The following PLXNA3 variants were observed in gnomAD, a reference collection of about 807,000 sequenced individuals.
PLXNA3 encodes plexin-A3.
A neutral mutation model predicts 118.8 loss-of-function variants in PLXNA3; 52 were observed. That is an observed-to-expected ratio of 0.44 (90% CI 0.35 to 0.55). The LOEUF is 0.55. PLXNA3 is among the 20% of genes least tolerant of loss of function. PLXNA3 has a pLI of 0.01. For missense variants in PLXNA3, 1,660 were observed against 1,730.8 expected, an observed-to-expected ratio of 0.96 and a Z score of 0.73; for synonymous variants, 925 against 762.4, an observed-to-expected ratio of 1.21 and a Z score of -3.51.
chrX:154,462,757 C>T (rs1380998074), intron 4 of PLXNA3, among the ~76,000 whole-genome samples: 3 of 111,006 alleles, frequency 2.7e-5, no homozygotes, highest in Admixed American at 1.9e-4. Context: ...CCCATGGGCC[C>T]GGGGGCTGAA....
rs148672767 is a variant in PLXNA3 at position 154,462,242 on chromosome X, G to A, written c.1249G>A (p.Val417Met). ...CGACAGCACCGACGGCATGGCCAGC[G>A]TGGCCGCCTACACCTACCGCCAGCA... The part of the protein sequence containing the change: ...LADSTDGMAS[V>M]AAYTYRQHSV... Residue 417 changes from valine to methionine, a missense_variant, in exon 4 of 33, where the codon GTG becomes ATG. By Grantham distance (21) the Val-to-Met change is conservative. Around this residue, in one of 2 missense-constraint regions of PLXNA3, gnomAD observed 791 missense variants for 652.1 expected, o/e 1.21. Transcript: ENST00000369682. 266 of 1,198,895 alleles carry A rather than the reference G, an allele frequency of 2.2e-4. No individual in the cohort carries two copies. Among genetic ancestry groups the A allele is most frequent in the African/African-American group, 4.7e-4 (27 of 57,138 alleles).
At chrX:154,469,607 C>G in intron 27 of PLXNA3, 81 bp from the exon 28 acceptor site, 1 of 985,253 alleles carries the variant, frequency 1.0e-6, no homozygotes, top group South Asian at 2.0e-5. Context: ...CTCGTGGGCT[C>G]CCCTCCTGGG....
At chrX:154,470,412 C>T (rs1557209062) in intron 29 of PLXNA3, 30 bp from the exon 30 acceptor site, 1 of 1,195,007 alleles carries the variant, frequency 8.4e-7, no homozygotes, top group Admixed American at 2.2e-5. Flanking sequence ...CTGGCTCCCT[C>T]ATAGCCTGTG....
chrX:154,473,722 G>T lies in PLXNA3; in HGVS notation c.*1037G>T, dbSNP rs1365430907. 1.8e-5 allele frequency: 2 copies of T among 112,436 alleles called. No homozygotes were observed. The highest frequency in any genetic ancestry group is 7.3e-4 in the South Asian group (2 of 2,739). The allele number at this position is 112,436 out of a possible 1,213,427, so 9.3% of individuals were successfully genotyped here. On this transcript the variant is annotated 3_prime_UTR_variant, in exon 33 of 33. Transcript: ENST00000369682. ...AGCTGGAGCCCCATTGTGGGAGAAA[G>T]GACCACTCCTTGCAGGGTCCCAGAG...
rs2148258057 is a variant in PLXNA3, at chrX:154,473,254, T to C, written c.*569T>C. 8.9e-6 allele frequency: 1 copy of C among 112,797 alleles called. No individual in the cohort carries two copies. The highest frequency in any genetic ancestry group is 3.2e-5 in the African/African-American group (1 of 31,032). The allele number at this position is 112,797 out of a possible 1,213,427, so 9.3% of individuals were successfully genotyped here. A position where few individuals can be genotyped will look rare whatever the true frequency, so the allele number is the denominator to read the frequency against. ...CAAAGCTTCCTCAGAATTGTGGCTG[T>C]GCCACGCTGGACCACAGGGTCCCCC... On this transcript the variant is annotated 3_prime_UTR_variant, in exon 33 of 33. Coordinates refer to ENST00000369682, the MANE Select transcript of PLXNA3 (RefSeq NM_017514.5).
In PLXNA3 at chrX:154,464,392, A is replaced by G. The variant is rs1490272387; in HGVS notation, c.1829-10A>G. 1 of 1,206,192 alleles carries G rather than the reference A, an allele frequency of 8.3e-7. No homozygotes were observed. The highest frequency in any genetic ancestry group is 1.1e-6 in the Non-Finnish European group (1 of 892,513). On this transcript the variant is annotated splice_polypyrimidine_tract_variant and intron_variant, in intron 8 of 32. Coordinates refer to ENST00000369682, the MANE Select transcript of PLXNA3 (RefSeq NM_017514.5). Reference sequence around the variant, plus strand: ...CCAGCGAGTTCACGGCCACCCCGGGACTGCTGCAGGGGCCACCCGCACTGT... The same window carrying G: ...CCAGCGAGTTCACGGCCACCCCGGGGCTGCTGCAGGGGCCACCCGCACTGT...
At position 154,461,473 on chromosome X, in the gene PLXNA3, G is replaced by A; in HGVS notation, c.969G>A (p.Gln323=). Residue 323 remains glutamine (Q), a synonymous_variant, in exon 3 of 33, where the codon CAG becomes CAA. Coordinates refer to ENST00000369682, the MANE Select transcript of PLXNA3 (RefSeq NM_017514.5). Reference sequence around the variant, plus strand: ...ACGTCCTCTTCACCATCTTCTCTCAGGGCCAGAAGAACCGGGCCAGCCCAC... The same window carrying A: ...ACGTCCTCTTCACCATCTTCTCTCAAGGCCAGAAGAACCGGGCCAGCCCAC... ...DEDVLFTIFS[Q]GQKNRASPPR... 7 of 1,211,908 alleles carry A rather than the reference G, an allele frequency of 5.8e-6. No individual in the cohort carries two copies. Among genetic ancestry groups the A allele is most frequent in the Non-Finnish European group, 6.7e-6 (6 of 895,472 alleles).
intron 29 of PLXNA3, 34 bp downstream of exon 29, chrX:154,470,201 C>T (rs1557208977): frequency 5.1e-6 from 6 of 1,177,731 alleles, no homozygotes; most frequent in East Asian, 3.0e-5. Context: ...TTGGCCTCCG[C>T]CCAGAGGTTG....
Position 154,477,091 on chromosome X carries a change from T to C in PLXNA3, c.*4406T>C, listed in dbSNP as rs1345482762. ...GAGAGGATGAACGGTAACTCCAGTG[T>C]GCAAGCAGGACAGGGACTAGCAGCT... is the stretch of plus-strand genomic sequence containing the variant. On this transcript the variant is annotated 3_prime_UTR_variant, in exon 33 of 33. Coordinates refer to ENST00000369682, the MANE Select transcript of PLXNA3 (RefSeq NM_017514.5). 9.0e-6 allele frequency: 1 copy of C among 111,532 alleles called. No homozygotes were observed. Among genetic ancestry groups the C allele is most frequent in the African/African-American group, 3.3e-5 (1 of 30,543 alleles). The allele number at this position is 111,532 out of a possible 1,213,427, so 9.2% of individuals were successfully genotyped here. A position where few individuals can be genotyped will look rare whatever the true frequency, so the allele number is the denominator to read the frequency against.
Position 154,471,334 on chromosome X carries a change from T to C in PLXNA3, c.5369+17T>C. On this transcript the variant is annotated intron_variant, in intron 31 of 32. Transcript: ENST00000369682. Reference sequence around the variant, plus strand: ...GGTGGAGAGGTGGGCTCCGCCCTGCTGTGGGTGGCAGAGGGCAGGACCTGC... The same window carrying C: ...GGTGGAGAGGTGGGCTCCGCCCTGCCGTGGGTGGCAGAGGGCAGGACCTGC... The C allele has an allele frequency of 8.4e-7, 1 of 1,195,543 alleles. No individual in the cohort carries two copies. The highest frequency in any genetic ancestry group is 1.1e-6 in the Non-Finnish European group (1 of 883,108).
In PLXNA3 at chrX:154,468,244, G is replaced by T. The variant is rs1193535893; in HGVS notation, c.3963+20G>T. 42 of 1,176,802 alleles carry T rather than the reference G, an allele frequency of 3.6e-5. No homozygotes were observed. Among genetic ancestry groups the T allele is most frequent in the Non-Finnish European group, 4.7e-5 (41 of 876,444 alleles). ...CTGGATGTGAGCCTCTGCCTGGCCTGCCCCCCACCATTCCCTTCAGGGCCG... is the reference window on the plus strand; with the variant it reads ...CTGGATGTGAGCCTCTGCCTGGCCTTCCCCCCACCATTCCCTTCAGGGCCG... On this transcript the variant is annotated intron_variant, in intron 22 of 32. Coordinates refer to ENST00000369682, the MANE Select transcript of PLXNA3 (RefSeq NM_017514.5).
chrX:154,474,989 G>C lies in PLXNA3; in HGVS notation c.*2304G>C, dbSNP rs1342775840. The C allele has an allele frequency of 1.7e-4, 16 of 96,819 alleles. No individual in the cohort carries two copies. The highest frequency in any genetic ancestry group is 3.0e-4 in the Non-Finnish European group (14 of 47,381). The allele number at this position is 96,819 out of a possible 1,213,427, so 8.0% of individuals were successfully genotyped here. ...TTTTTTTTTTTCTTTAGTAGAGATGGAGTCTTGCTGGTTTTGAACCTCCTG... is the reference window on the plus strand; with the variant it reads ...TTTTTTTTTTTCTTTAGTAGAGATGCAGTCTTGCTGGTTTTGAACCTCCTG... On this transcript the variant is annotated 3_prime_UTR_variant, in exon 33 of 33. Coordinates refer to ENST00000369682, the MANE Select transcript of PLXNA3 (RefSeq NM_017514.5).
In PLXNA3 at chrX:154,465,517, C is replaced by T. The variant is rs782435784; in HGVS notation, c.2338C>T (p.Arg780Ter). The part of the protein sequence containing the change: ...DFPIDKPPSF[R>*]ALLYKCWAQR... ...CCCCATAGACAAGCCTCCCAGCTTC[C>T]GAGGTGAAGGCATGGGCCAGGGAGC... Residue 780 changes from arginine to a stop codon, truncating the protein, a stop_gained, in exon 12 of 33, where the codon CGA (arginine) becomes TGA (stop). Transcript: ENST00000369682. LOFTEE classifies it high-confidence loss of function. The T allele has an allele frequency of 8.3e-7, 1 of 1,200,291 alleles. No homozygotes were observed. Among genetic ancestry groups the T allele is most frequent in the Non-Finnish European group, 1.1e-6 (1 of 885,221 alleles).
rs1557208875 is a variant in PLXNA3, at chrX:154,470,076, T to G, written c.4895T>G (p.Val1632Gly). The G allele has an allele frequency of 8.3e-7, 1 of 1,211,209 alleles. No individual in the cohort carries two copies. The highest frequency in any genetic ancestry group is 1.1e-6 in the Non-Finnish European group (1 of 895,388). Reference sequence around the variant, plus strand: ...ACAGGCACCAAATTGTGGCACCTGGTGAAAAACCACGACCATGCCGACCAT... The same window carrying G: ...ACAGGCACCAAATTGTGGCACCTGGGGAAAAACCACGACCATGCCGACCAT... Reference protein sequence around the residue: ...QETGTKLWHLVKNHDHADHRE... With the variant: ...QETGTKLWHLGKNHDHADHRE... Residue 1632 changes from valine (V) to glycine (G), a missense_variant, in exon 29 of 33, where the codon GTG becomes GGG. By Grantham distance (109) the Val-to-Gly change is moderately radical. Coordinates refer to ENST00000369682, the MANE Select transcript of PLXNA3 (RefSeq NM_017514.5).
chrX:154,468,541 C>T lies in PLXNA3; in HGVS notation c.4202C>T (p.Pro1401Leu). 1 of 1,210,400 alleles carries T rather than the reference C, an allele frequency of 8.3e-7. No individual in the cohort carries two copies. The highest frequency in any genetic ancestry group is 1.1e-6 in the Non-Finnish European group (1 of 895,030). ...AAGAACCTCGAGAGCAAGAACCACC[C>T]CAAGCTGCTGCTACGCAGGTACCTG... Reference protein sequence around the residue: ...IEKNLESKNHPKLLLRRTESV... With the variant: ...IEKNLESKNHLKLLLRRTESV... Residue 1401 changes from proline to leucine, a missense_variant, in exon 23 of 33, where the codon CCC becomes CTC. Pro to Leu is a moderately conservative substitution (Grantham distance 98). Transcript: ENST00000369682.
At position 154,467,838 on chromosome X, in the gene PLXNA3, G is replaced by A. The variant is rs370812969; in HGVS notation, c.3657G>A (p.Pro1219=). 13 of 1,205,103 alleles carry A rather than the reference G, an allele frequency of 1.1e-5. No homozygotes were observed. The South Asian group carries it at 1.2e-4, about 11-fold the overall frequency. The change falls in exon 21 of 33, where the codon CCG becomes CCA. Residue 1219 remains proline (P), a synonymous_variant. Transcript: ENST00000369682. ...CGGCAGAGCGGGCGCTGACCCTACC[G>A]GCCATGATGGGGCTGGCGGCGGGGG... The part of the protein sequence containing the change: ...HISAERALTL[P]AMMGLAAGGG...
At position 154,461,218 on chromosome X, in the gene PLXNA3, C is replaced by T. The variant is rs1478320804; in HGVS notation, c.714C>T (p.Phe238=). 20 of 1,211,740 alleles carry T rather than the reference C, an allele frequency of 1.7e-5. No homozygotes were observed. The highest frequency in any genetic ancestry group is 2.0e-5 in the Non-Finnish European group (18 of 895,392). Reference sequence around the variant, plus strand: ...TCGTCAGCGCCTCCTTCGTGTACTTCCTGACGCTGCAGCTGGACACCCAGC... The same window carrying T: ...TCGTCAGCGCCTCCTTCGTGTACTTTCTGACGCTGCAGCTGGACACCCAGC... The part of the protein sequence containing the change: ...YGFVSASFVY[F]LTLQLDTQQT... The change falls in exon 3 of 33, where the codon TTC becomes TTT. Residue 238 remains phenylalanine (F), a synonymous_variant. Coordinates refer to ENST00000369682, the MANE Select transcript of PLXNA3 (RefSeq NM_017514.5).
Position 154,464,023 on chromosome X carries a change from C to A in PLXNA3, c.1620C>A (p.Val540=), listed in dbSNP as rs2069028117. ...TTGCTGAGGAGCTGAGCAAGTGTGTCCAGGTGCGGGTCCGGCCCAACAATG... is the reference window on the plus strand; with the variant it reads ...TTGCTGAGGAGCTGAGCAAGTGTGTACAGGTGCGGGTCCGGCCCAACAATG... ...HGFAEELSKC[V]QVRVRPNNVS... Residue 540 remains valine, a synonymous_variant, in exon 7 of 33, where the codon GTC becomes GTA. Coordinates refer to ENST00000369682, the MANE Select transcript of PLXNA3 (RefSeq NM_017514.5). The A allele has an allele frequency of 4.1e-6, 5 of 1,208,652 alleles. No individual in the cohort carries two copies. Among genetic ancestry groups the A allele is most frequent in the Non-Finnish European group, 4.5e-6 (4 of 894,174 alleles).
rs2069219239 is a variant in PLXNA3 at position 154,474,171 on chromosome X, CAG to C, written c.*1489_*1490del. The C allele has an allele frequency of 9.0e-6, 1 of 111,385 alleles. No homozygotes were observed. Among genetic ancestry groups the C allele is most frequent in the South Asian group, 3.7e-4 (1 of 2,678 alleles). 9.2% of individuals were successfully genotyped at this position (111,385 alleles called of 1,213,427 possible). On this transcript the variant is annotated 3_prime_UTR_variant, in exon 33 of 33. Coordinates refer to ENST00000369682, the MANE Select transcript of PLXNA3 (RefSeq NM_017514.5). ...ATTTATTTATTTATTTATTTTGAGA[CAG>C]AGTGTAGCTGTGTTGCCCAGGCTGG... is the stretch of plus-strand genomic sequence containing the variant.
Sources: gnomAD v4.1 joint callset for allele counts (sites outside exome capture counted in the v4.1 genomes callset) on GRCh38, gnomAD v4.1.1 for gene constraint, gnomAD v4.1.1 regional missense constraint, MANE v1.5 for transcripts, NCBI Gene and HGNC (gene_info 2026-07-23, HGNC 2026-07-21) for gene names.